SHISA6: variants seen among roughly 807,000 people sequenced by gnomAD.
SHISA6 encodes protein shisa-6.
A neutral mutation model predicts 47.9 loss-of-function variants in SHISA6; 22 were observed. The ratio of observed to expected loss-of-function variants is 0.46; its 90% CI spans 0.33 to 0.66. The LOEUF (loss-of-function observed/expected upper bound fraction) is 0.66. Among genes scored for constraint, SHISA6 ranks in the 30% least tolerant of loss-of-function variants. SHISA6 has a pLI of 0.02. For missense variants in SHISA6, 680 were observed against 764.6 expected, an observed-to-expected ratio of 0.89 and a Z score of 1.30; for synonymous variants, 388 against 337.8, an observed-to-expected ratio of 1.15 and a Z score of -1.63.
At chr17:11,432,369 C>T (rs1914804448) in intron 3 of SHISA6, among the ~76,000 whole-genome samples, 1 of 152,148 alleles carries the variant, frequency 6.6e-6, no homozygotes, top group Admixed American at 6.5e-5. Context: ...GCTTTGCTGC[C>T]ATGATGTTTA....
At chr17:11,308,074 G>C (rs1371396351) in intron 2 of SHISA6, among the ~76,000 whole-genome samples, 1 of 152,178 alleles carries the variant, frequency 6.6e-6, no homozygotes, top group Non-Finnish European at 1.5e-5. Context: ...GCACTAGGGA[G>C]GTTGATGCCC....
intron 3 of SHISA6, among the ~76,000 whole-genome samples, chr17:11,392,224 G>T (rs576087623): frequency 6.6e-6 from 1 of 152,090 alleles, no homozygotes; most frequent in South Asian, 2.1e-4. Context: ...TGGTTTTCTG[G>T]TTTTTCACTA....
At chr17:11,458,216 A>G (rs2142311488) in intron 3 of SHISA6, among the ~76,000 whole-genome samples, 1 of 152,246 alleles carries the variant, frequency 6.6e-6, no homozygotes, top group Admixed American at 6.5e-5. Flanking sequence ...GTGATAATGC[A>G]ACTTCTTCAG....
chr17:11,474,595 C>T (rs1423861619), intron 3 of SHISA6, among the ~76,000 whole-genome samples: 1 of 151,982 alleles, frequency 6.6e-6, no homozygotes, highest in African/African-American at 2.4e-5. Flanking sequence ...GCTTCTTTGC[C>T]AAAGATCAGT....
At chr17:11,350,816 C>A (rs1911865380) in intron 2 of SHISA6, among the ~76,000 whole-genome samples, 1 of 152,178 alleles carries the variant, frequency 6.6e-6, no homozygotes, top group African/African-American at 2.4e-5. Context: ...GGCATAAAAT[C>A]ATTCTACTAT....
chr17:11,312,077 A>AT (rs1485082829), intron 2 of SHISA6, among the ~76,000 whole-genome samples: 1 of 151,960 alleles, frequency 6.6e-6, no homozygotes, highest in East Asian at 1.9e-4. Flanking sequence ...CCCAGCTGTT[A>AT]TTTTTTCTTT....
chr17:11,247,709 T>C (rs1341365335), intron 1 of SHISA6, among the ~76,000 whole-genome samples: 5 of 152,082 alleles, frequency 3.3e-5, no homozygotes, highest in Non-Finnish European at 7.4e-5. Flanking sequence ...TTTCTTTACC[T>C]TGGGAAACTC....
intron 2 of SHISA6, among the ~76,000 whole-genome samples, chr17:11,314,415 G>A (rs1193986203): frequency 2.0e-5 from 3 of 151,346 alleles, no homozygotes; most frequent in African/African-American, 4.9e-5. Flanking sequence ...AAATGAATCT[G>A]TAAATTACTT....
At chr17:11,440,079 T>A (rs2908950) in intron 3 of SHISA6, among the ~76,000 whole-genome samples, 4,673 of 152,260 alleles carry the variant, frequency 0.031, 214 homozygotes, top group African/African-American at 0.099. Context: ...ATTCATTCAT[T>A]CACTTATTCC....
At chr17:11,437,377 C>T (rs184135264) in intron 3 of SHISA6, among the ~76,000 whole-genome samples, 9 of 152,298 alleles carry the variant, frequency 5.9e-5, no homozygotes, top group East Asian at 3.9e-4. Context: ...AAGTGGATCA[C>T]GGGTCAGCAT....
chr17:11,376,871 C>T (rs562347732), intron 2 of SHISA6, among the ~76,000 whole-genome samples: 16 of 152,232 alleles, frequency 1.1e-4, no homozygotes, highest in African/African-American at 1.9e-4. Context: ...CTACTAAATC[C>T]GGGATTCTGG....
intron 2 of SHISA6, among the ~76,000 whole-genome samples, chr17:11,346,013 A>G (rs928878244): frequency 1.8e-4 from 28 of 152,166 alleles, no homozygotes; most frequent in Admixed American, 1.3e-4. Flanking sequence ...GTGAGCGAAC[A>G]TAGTTGTCTT....
chr17:11,311,406 A>G (rs1342123774), intron 2 of SHISA6, among the ~76,000 whole-genome samples: 1 of 152,042 alleles, frequency 6.6e-6, no homozygotes, highest in Non-Finnish European at 1.5e-5. Context: ...GTTTGTTACT[A>G]TATGATGTGG....
chr17:11,299,244 A>G (rs917695296), intron 2 of SHISA6, among the ~76,000 whole-genome samples: 3 of 152,192 alleles, frequency 2.0e-5, no homozygotes, highest in Non-Finnish European at 4.4e-5. Flanking sequence ...CGGAATAATC[A>G]TAGCTAATAT....
At chr17:11,304,845 G>C (rs886147498) in intron 2 of SHISA6, among the ~76,000 whole-genome samples, 1 of 152,146 alleles carries the variant, frequency 6.6e-6, no homozygotes, top group South Asian at 2.1e-4. Context: ...GTCTCACTGC[G>C]CTTGGCCACT....
chr17:11,410,821 CTGGGG>C (rs1240197340), intron 3 of SHISA6, among the ~76,000 whole-genome samples: 2 of 152,164 alleles, frequency 1.3e-5, no homozygotes, highest in Non-Finnish European at 2.9e-5. Context: ...ATCAGAAAAT[CTGGGG>C]TTGGGACCCA....
chr17:11,265,633 G>A (rs1157205429), intron 2 of SHISA6, among the ~76,000 whole-genome samples: 1 of 152,166 alleles, frequency 6.6e-6, no homozygotes, highest in African/African-American at 2.4e-5. Context: ...ATCCTTTGAA[G>A]TCATTCTCCA....
intron 2 of SHISA6, among the ~76,000 whole-genome samples, chr17:11,323,377 G>A (rs547065782): frequency 4.6e-5 from 7 of 152,158 alleles, no homozygotes; most frequent in African/African-American, 4.8e-5. Flanking sequence ...CACATGAGCC[G>A]GGCACGGTGG....
chr17:11,342,526 A>G (rs1346046903), intron 2 of SHISA6, among the ~76,000 whole-genome samples: 1 of 152,222 alleles, frequency 6.6e-6, no homozygotes, highest in Non-Finnish European at 1.5e-5. Flanking sequence ...ACATCTTATG[A>G]TAAAAGGATA....
Sources: allele counts gnomAD v4.1 joint callset (sites outside exome capture counted in the v4.1 genomes callset), GRCh38; gene constraint gnomAD v4.1.1; transcripts MANE v1.5; gene names NCBI Gene and HGNC (gene_info 2026-07-23, HGNC 2026-07-21).